PODN: variants seen among roughly 807,000 people sequenced by gnomAD.
The protein encoded by PODN is podocan.
PODN carries 40 observed loss-of-function variants against 52.7 expected under a neutral mutation model. The observed-to-expected ratio is 0.76, with a 90% CI of 0.59 to 0.99. The LOEUF (loss-of-function observed/expected upper bound fraction) is 0.99, where lower values mean the gene tolerates loss of function less well. Among genes scored for constraint, PODN ranks in the 50% least tolerant of loss-of-function variants. PODN has a pLI of 0.00. For synonymous variants in PODN, 396 were observed against 377.9 expected, an observed-to-expected ratio of 1.05 and a Z score of -0.56; for missense variants, 720 against 815.1, an observed-to-expected ratio of 0.88 and a Z score of 1.42.
In PODN at chr1:53,078,754, G is replaced by A. The variant is rs866849846; in HGVS notation, c.1244G>A (p.Arg415His). Reference sequence around the variant, plus strand: ...GAGGAGCTCAACCTCAGCTACAACCGCATCACCAGCCCGCAGGTGCACCGC... The same window carrying A: ...GAGGAGCTCAACCTCAGCTACAACCACATCACCAGCCCGCAGGTGCACCGC... ...FLEELNLSYN[R>H]ITSPQVHRDA... The change falls in exon 8 of 11, where the codon CGC becomes CAC. Residue 415 changes from arginine (R) to histidine (H), a missense_variant. Physicochemically the swap from Arg to His is conservative, Grantham distance 29. Transcript: ENST00000312553. The A allele has an allele frequency of 4.3e-6, 7 of 1,613,276 alleles. No individual in the cohort carries two copies. The highest frequency in any genetic ancestry group is 4.5e-5 in the East Asian group (2 of 44,898).
chr1:53,066,739 G>A, intron 1 of PODN: 2 of 1,408,680 alleles, frequency 1.4e-6, no homozygotes, highest in Non-Finnish European at 1.9e-6. Context: ...TCCCTGAGTT[G>A]TAAAGTGGTG....
At chr1:53,067,235 C>T (rs1184680645) in intron 1 of PODN, among the ~76,000 whole-genome samples, 1 of 152,082 alleles carries the variant, frequency 6.6e-6, no homozygotes, top group Non-Finnish European at 1.5e-5. Context: ...GTGGCTGAGA[C>T]CTGAGTCTCC....
At position 53,082,148 on chromosome 1, in the gene PODN, A is replaced by C; in HGVS notation, c.1829A>C (p.Glu610Ala). The change falls in exon 10 of 11, where the codon GAG (glutamate) becomes GCG (alanine). Residue 610 changes from glutamate to alanine, a missense_variant. Transcript: ENST00000312553. The part of the protein sequence containing the change: ...EEEEEEEEEE[E>A]ETR ...GAGGAAGAGGAGGAGGAGGAGGAAG[A>C]GGAAACAAGATAGTGACAAGGTGAT... The C allele has an allele frequency of 1.2e-6, 2 of 1,608,608 alleles. No homozygotes were observed. The highest frequency in any genetic ancestry group is 1.7e-6 in the Non-Finnish European group (2 of 1,177,576).
rs368459369 is a variant in PODN, at chr1:53,078,657, C to A, written c.1147C>A (p.Arg383Ser). The change falls in exon 8 of 11, where the codon CGC becomes AGC. Residue 383 changes from arginine (R) to serine (S), a missense_variant. Transcript: ENST00000312553. The stretch of plus-strand genomic sequence containing the variant: ...GCCCAGTGGCCTGCCTCGCCGCGTG[C>A]GCACCCTCATGATCCTGCACAACCA... ...RVPSGLPRRV[R>S]TLMILHNQIT... The A allele has an allele frequency of 3.1e-6, 5 of 1,612,924 alleles. No homozygotes were observed. Among genetic ancestry groups the A allele is most frequent in the African/African-American group, 2.7e-5 (2 of 74,946 alleles).
chr1:53,065,371 A>AG (rs1644016940), intron 1 of PODN, among the ~76,000 whole-genome samples: 1 of 151,994 alleles, frequency 6.6e-6, no homozygotes, highest in Non-Finnish European at 1.5e-5. Flanking sequence ...AAAAAAAGAA[A>AG]GTTGGAAAAT....
intron 2 of PODN, 159 bp from the exon 3 acceptor site, chr1:53,071,376 A>G (rs1644114375): frequency 1.6e-6 from 1 of 641,360 alleles, no homozygotes; most frequent in Admixed American, 3.0e-5. Context: ...GACCTGGCCC[A>G]GAGCTGGCAC....
intron 10 of PODN, among the ~76,000 whole-genome samples, chr1:53,082,866 C>T (rs796587105): frequency 1.2e-4 from 19 of 152,334 alleles, no homozygotes; most frequent in African/African-American, 3.1e-4. Context: ...CGTGCACACA[C>T]GTGTGTACAT....
chr1:53,077,684 GAAC>G lies in PODN; in HGVS notation c.744_746del (p.Asn248del). Reference sequence around the variant, plus strand: ...CTCCTCCCTTCCCTTCCATCCCCCAGAACAACAAGCTGGAGAAGATCCCCCCGG... The same window carrying G: ...CTCCTCCCTTCCCTTCCATCCCCCAGAACAAGCTGGAGAAGATCCCCCCGG... On this transcript the variant is annotated inframe_deletion and splice_region_variant, in exon 7 of 11. Transcript: ENST00000312553. 3.1e-6 allele frequency: 5 copies of G among 1,611,888 alleles called. No individual in the cohort carries two copies. Among genetic ancestry groups the G allele is most frequent in the Non-Finnish European group, 4.2e-6 (5 of 1,179,072 alleles).
In PODN at chr1:53,075,979, G is replaced by T. The variant is rs911128226; in HGVS notation, c.581+8G>T. The T allele has an allele frequency of 2.6e-6, 4 of 1,567,588 alleles. No homozygotes were observed. The African/African-American group carries it at 5.4e-5, about 21-fold the overall frequency. Reference sequence around the variant, plus strand: ...CCAGAAGCCAAACTTGAGGTCAGAGGTCGGGGGTGGTCAGGGCTCGGGCTG... The same window carrying T: ...CCAGAAGCCAAACTTGAGGTCAGAGTTCGGGGGTGGTCAGGGCTCGGGCTG... On this transcript the variant is annotated splice_region_variant and intron_variant, in intron 5 of 10. Transcript: ENST00000312553.
At chr1:53,074,800 C>G in intron 4 of PODN, 130 bp downstream of exon 4, 10 of 599,654 alleles carry the variant, frequency 1.7e-5, no homozygotes, top group South Asian at 5.6e-5. Flanking sequence ...TCAGACATGG[C>G]CCTGGGTCGG....
At chr1:53,062,685 C>T (rs971036956) in intron 1 of PODN, among the ~76,000 whole-genome samples, 5 of 152,188 alleles carry the variant, frequency 3.3e-5, no homozygotes, top group African/African-American at 1.2e-4. Context: ...GGGCGGGGAC[C>T]CCTGTCATGA....
At chr1:53,075,789 CA>C (rs1273453974) in intron 4 of PODN, 72 bp from the exon 5 acceptor site, 2 of 1,302,376 alleles carry the variant, frequency 1.5e-6, no homozygotes, top group Admixed American at 4.0e-5. Context: ...CCCCGGTGGG[CA>C]GCAGGCAGTG....
intron 4 of PODN, among the ~76,000 whole-genome samples, 155 bp downstream of exon 4, chr1:53,074,825 C>T (rs1002535868): frequency 5.3e-5 from 8 of 152,022 alleles, no homozygotes; most frequent in Admixed American, 6.5e-5. Context: ...GGGGGAGACA[C>T]GGACCCCATG....
At position 53,071,583 on chromosome 1, in the gene PODN, C is replaced by T. The variant is rs372657804; in HGVS notation, c.361C>T (p.Arg121Trp). The change falls in exon 3 of 11, where the codon CGG becomes TGG. Residue 121 changes from arginine (R) to tryptophan (W), a missense_variant. By Grantham distance (101) the Arg-to-Trp change is moderately radical. Transcript: ENST00000312553. ...CCCTGAGGAGCTCTCCCGGCTGCAC[C>T]GGCTGGAGACGCTGAACCTGCAAAA... ...IYPEELSRLH[R>W]LETLNLQNNR... 51 of 1,613,994 alleles carry T rather than the reference C, an allele frequency of 3.2e-5. No individual in the cohort carries two copies. The African/African-American group carries it at 4.7e-4, about 15-fold the overall frequency.
intron 1 of PODN, among the ~76,000 whole-genome samples, chr1:53,067,526 A>G (rs1644050660): frequency 6.6e-6 from 1 of 151,998 alleles, no homozygotes; most frequent in Non-Finnish European, 1.5e-5. Flanking sequence ...GTGGTATCTG[A>G]ACTCCCACAG....
intron 6 of PODN, 72 bp downstream of exon 6, chr1:53,077,418 G>A (rs1352963396): frequency 3.2e-6 from 5 of 1,572,896 alleles, no homozygotes; most frequent in Non-Finnish European, 3.5e-6. Context: ...GGCCTGCAGG[G>A]GAAGAGCTCA....
intron 2 of PODN, chr1:53,071,195 C>T (rs1644111259): frequency 5.2e-6 from 1 of 193,244 alleles, no homozygotes; most frequent in Admixed American, 5.8e-5. Flanking sequence ...TGGTTTCTGA[C>T]TTGGGGAGCA....
chr1:53,063,283 G>A (rs74082410), intron 1 of PODN: 38,326 of 887,458 alleles, frequency 0.043, 982 homozygotes, highest in Middle Eastern at 0.12. Flanking sequence ...GGCACTGACT[G>A]AGCTGGTCCG....
Position 53,079,000 on chromosome 1 carries a change from G to A in PODN, c.1490G>A (p.Trp497Ter). The A allele has an allele frequency of 1.3e-6, 2 of 1,561,046 alleles. No homozygotes were observed. Among genetic ancestry groups the A allele is most frequent in the East Asian group, 2.4e-5 (1 of 42,502 alleles). The change falls in exon 8 of 11, where the codon TGG becomes TAG. Residue 497 changes from tryptophan to a stop codon, truncating the protein, a stop_gained. Transcript: ENST00000312553. LOFTEE classifies it high-confidence loss of function. ...AGCCGAGCCCTGGGCCCCCGTGCCTGGGTGGACCTCGCCCATCTGCAGGTA... is the reference window on the plus strand; with the variant it reads ...AGCCGAGCCCTGGGCCCCCGTGCCTAGGTGGACCTCGCCCATCTGCAGGTA... Reference protein sequence around the residue: ...LRSRALGPRAWVDLAHLQLLD... With the variant: ...LRSRALGPRA
Sources: gnomAD v4.1 joint callset for allele counts (sites outside exome capture counted in the v4.1 genomes callset) on GRCh38, gnomAD v4.1.1 for gene constraint, MANE v1.5 for transcripts, NCBI Gene and HGNC (gene_info 2026-07-23, HGNC 2026-07-21) for gene names.